The following PTPRD variants were observed in gnomAD, a reference collection of about 807,000 sequenced individuals.
PTPRD encodes the protein protein tyrosine phosphatase receptor type D.
Under a neutral mutation model 214.5 loss-of-function variants are expected in PTPRD, and 34 were observed. The observed-to-expected ratio is 0.16, with a 90% CI of 0.12 to 0.21. The LOEUF (loss-of-function observed/expected upper bound fraction) is 0.21. Ranked by LOEUF, PTPRD falls within the 10% of genes least tolerant of loss-of-function variation. The probability of loss-of-function intolerance (pLI) is 1.00; values close to 1 mark genes in which losing one functional copy is unlikely to be tolerated. For missense variants in PTPRD, 2,545 were observed against 2,398.7 expected, an observed-to-expected ratio of 1.06 and a Z score of -1.27; for synonymous variants, 1,128 against 845.7, an observed-to-expected ratio of 1.33 and a Z score of -5.79.
chr9:8,375,075 A>C (rs961462438), intron 39 of PTPRD, among the ~76,000 whole-genome samples: 4 of 151,944 alleles, frequency 2.6e-5, no homozygotes, highest in African/African-American at 9.7e-5. Flanking sequence ...CTGTGGAAGA[A>C]GCAATATTTT....
chr9:9,003,343 G>A (rs1400661574), intron 11 of PTPRD, among the ~76,000 whole-genome samples: 1 of 151,968 alleles, frequency 6.6e-6, no homozygotes, highest in Admixed American at 6.6e-5. Context: ...TAGGCAGTCT[G>A]GCTGTTGCAT....
At chr9:9,640,298 A>C (rs1269403918) in intron 7 of PTPRD, among the ~76,000 whole-genome samples, 1 of 152,190 alleles carries the variant, frequency 6.6e-6, no homozygotes, top group African/African-American at 2.4e-5. Context: ...CTTTCCGAGG[A>C]ACAGTTTTTG....
intron 14 of PTPRD, among the ~76,000 whole-genome samples, chr9:8,552,351 T>C (rs1412727618): frequency 6.6e-6 from 1 of 152,228 alleles, no homozygotes; most frequent in Admixed American, 6.5e-5. Flanking sequence ...CTTCTTGCTG[T>C]GTCAGAACGG....
At chr9:9,855,050 C>G (rs1163361553) in intron 5 of PTPRD, among the ~76,000 whole-genome samples, 1 of 152,114 alleles carries the variant, frequency 6.6e-6, no homozygotes, top group African/African-American at 2.4e-5. Flanking sequence ...CAAGCTTTCC[C>G]CATAGCCGAT....
chr9:10,258,416 C>A (rs906316226), intron 3 of PTPRD, among the ~76,000 whole-genome samples: 1 of 151,974 alleles, frequency 6.6e-6, no homozygotes. Context: ...GGAACATAGG[C>A]TTATAAGAGG....
intron 4 of PTPRD, among the ~76,000 whole-genome samples, chr9:9,973,017 G>C (rs1415327035): frequency 6.6e-6 from 1 of 152,106 alleles, no homozygotes; most frequent in East Asian, 1.9e-4. Flanking sequence ...AGCCAAAAGA[G>C]AAGGAGGGAA....
chr9:8,429,711 T>A (rs2031219), intron 35 of PTPRD, among the ~76,000 whole-genome samples: 2 of 151,766 alleles, frequency 1.3e-5, no homozygotes, highest in Non-Finnish European at 2.9e-5. Flanking sequence ...TGCTGAATGG[T>A]GGGAGACATG....
At chr9:10,408,887 T>G (rs969849343) in intron 2 of PTPRD, among the ~76,000 whole-genome samples, 4 of 151,728 alleles carry the variant, frequency 2.6e-5, no homozygotes, top group East Asian at 3.9e-4. Flanking sequence ...TGTTAGATAT[T>G]GTTATTTTCA....
In PTPRD at chr9:9,479,347, G is replaced by GCACACACA. The variant is rs5896339; in HGVS notation, c.-236-81873_-236-81866dup. ...CCTTCGAGAAAATGTGAAAACTGAT[G>GCACACACA]CACACACACACACACACACACACAC... On this transcript the variant is annotated intron_variant, in intron 8 of 45. Coordinates refer to ENST00000381196, the MANE Select transcript of PTPRD (RefSeq NM_002839.4). Among the ~76,000 whole-genome samples, 748 of 146,780 alleles carry GCACACACA rather than the reference G, an allele frequency of 5.1e-3. 1 individual carries two copies. Among genetic ancestry groups the GCACACACA allele is most frequent in the Non-Finnish European group, 6.3e-3 (415 of 66,314 alleles).
At position 8,492,962 on chromosome 9, in the gene PTPRD, C is replaced by T. The variant is rs148680143; in HGVS notation, c.2367G>A (p.Gly789=). The change falls in exon 27 of 46, where the codon GGG becomes GGA. Residue 789 remains glycine, a synonymous_variant. Transcript: ENST00000381196. The part of the protein sequence containing the change: ...DTTEHDMIIS[G]LQPETSYSLT... ...GGGAGTAGGAAGTTTCAGGCTGGAGCCCAGAAATGATCATGTCCTGAAATG... is the reference window on the plus strand; with the variant it reads ...GGGAGTAGGAAGTTTCAGGCTGGAGTCCAGAAATGATCATGTCCTGAAATG... The T allele has an allele frequency of 1.5e-5, 24 of 1,613,140 alleles. No individual in the cohort carries two copies. The highest frequency in any genetic ancestry group is 1.1e-4 in the African/African-American group (8 of 74,960).
intron 3 of PTPRD, among the ~76,000 whole-genome samples, chr9:10,142,346 A>C (rs1390287021): frequency 6.6e-6 from 1 of 151,678 alleles, no homozygotes; most frequent in Non-Finnish European, 1.5e-5. Context: ...CAACCCACAA[A>C]ATGGGAGAAA....
At chr9:9,495,278 G>A (rs1327697614) in intron 8 of PTPRD, among the ~76,000 whole-genome samples, 9 of 147,494 alleles carry the variant, frequency 6.1e-5, no homozygotes, top group African/African-American at 2.3e-4. Flanking sequence ...GGCAGACAGG[G>A]ATGGGTACCC....
At chr9:8,457,996 T>C (rs568824569) in intron 33 of PTPRD, among the ~76,000 whole-genome samples, 10 of 152,278 alleles carry the variant, frequency 6.6e-5, no homozygotes, top group African/African-American at 2.4e-4. Flanking sequence ...TTGTTGGTTC[T>C]ACTTGAATTT....
intron 11 of PTPRD, among the ~76,000 whole-genome samples, chr9:8,884,839 A>G (rs2098473574): frequency 6.6e-6 from 1 of 152,124 alleles, no homozygotes. Flanking sequence ...AGGGCCCACT[A>G]TGTGTTGGGC....
At chr9:8,337,385 G>C (rs1262523647) in intron 43 of PTPRD, among the ~76,000 whole-genome samples, 1 of 151,868 alleles carries the variant, frequency 6.6e-6, no homozygotes, top group African/African-American at 2.4e-5. Context: ...GCACTCAAAA[G>C]TGGGAGTTGA....
At chr9:10,178,556 T>G (rs566912275) in intron 3 of PTPRD, among the ~76,000 whole-genome samples, 2 of 151,964 alleles carry the variant, frequency 1.3e-5, no homozygotes, top group Non-Finnish European at 2.9e-5. Flanking sequence ...TTTCAACAGA[T>G]GAACAGTATA....
intron 3 of PTPRD, among the ~76,000 whole-genome samples, chr9:10,140,674 G>A (rs909612757): frequency 2.0e-5 from 3 of 152,076 alleles, no homozygotes; most frequent in South Asian, 4.1e-4. Context: ...GAGGTACAAG[G>A]AGGAACTGGT....
chr9:9,688,925 T>C (rs1210100175), intron 7 of PTPRD, among the ~76,000 whole-genome samples: 1 of 151,834 alleles, frequency 6.6e-6, no homozygotes, highest in East Asian at 1.9e-4. Flanking sequence ...TGTGAATGGC[T>C]AGCTAGGTAA....
chr9:10,005,416 G>GT (rs1338085936), intron 4 of PTPRD, among the ~76,000 whole-genome samples: 2 of 152,110 alleles, frequency 1.3e-5, no homozygotes, highest in African/African-American at 4.8e-5. Context: ...GCTTGGCTAA[G>GT]TTGCAGCTCC....
Sources: allele counts gnomAD v4.1 joint callset (sites outside exome capture counted in the v4.1 genomes callset), GRCh38; gene constraint gnomAD v4.1.1; transcripts MANE v1.5; gene names NCBI Gene and HGNC (gene_info 2026-07-23, HGNC 2026-07-21).